Variants in NRL observed in about 807,000 individuals in gnomAD.
The protein encoded by NRL is neural retina leucine zipper.
In NRL, 16 loss-of-function variants were observed where a neutral mutation model predicts 12.5. The ratio of observed to expected loss-of-function variants is 1.28; its 90% CI spans 0.87 to 1.95. The LOEUF (loss-of-function observed/expected upper bound fraction) is 1.95, where lower values mean the gene tolerates loss of function less well. Ranked by LOEUF, NRL falls within the 30% of genes most tolerant of loss-of-function variation. The pLI, the probability that NRL is intolerant of heterozygous loss-of-function variation, is 0.00. For missense variants in NRL, 314 were observed against 325.8 expected (o/e 0.96, Z 0.28); for synonymous variants, 142 against 150.9 (o/e 0.94, Z 0.43).
intron 1 of NRL, among the ~76,000 whole-genome samples, chr14:24,102,292 C>T (rs1297471429): frequency 1.3e-5 from 2 of 152,164 alleles, no homozygotes; most frequent in East Asian, 3.8e-4. Flanking sequence ...CTGTCTTCCC[C>T]GGTTTGCTGA....
At chr14:24,084,187 AG>A (rs2036407733) in intron 1 of NRL, among the ~76,000 whole-genome samples, 1 of 152,176 alleles carries the variant, frequency 6.6e-6, no homozygotes, top group Non-Finnish European at 1.5e-5. Context: ...GTTCCAGGGC[AG>A]GGTTGCTGCC....
In NRL at chr14:24,081,664, C is replaced by T; in HGVS notation, c.382-96G>A. On this transcript the variant is annotated intron_variant, in intron 2 of 2. Coordinates refer to ENST00000561028, the MANE Select transcript of NRL (RefSeq NM_001354768.3). This position sits in a 1 kb window ranked among gnomAD's most constrained non-coding sequence, Gnocchi z 4.4. ...TACCTGGCTCCGCCCCGGGACAGCCCCGCCCCGGCTCCCACCTTCACCGGA... is the reference window on the plus strand; with the variant it reads ...TACCTGGCTCCGCCCCGGGACAGCCTCGCCCCGGCTCCCACCTTCACCGGA... 6.5e-7 allele frequency: 1 copy of T among 1,532,444 alleles called. No homozygotes were observed. Among genetic ancestry groups the T allele is most frequent in the Non-Finnish European group, 8.8e-7 (1 of 1,139,654 alleles). The allele number at this position is 1,532,444 out of a possible 1,614,324, so 94.9% of individuals were successfully genotyped here. A position where few individuals can be genotyped will look rare whatever the true frequency, so the allele number is the denominator to read the frequency against.
chr14:24,084,951 T>C (rs886381576), intron 1 of NRL, among the ~76,000 whole-genome samples: 1 of 152,084 alleles, frequency 6.6e-6, no homozygotes, highest in African/African-American at 2.4e-5. Flanking sequence ...TAGCCTGGGA[T>C]TGGAAAAAGA....
intron 1 of NRL, among the ~76,000 whole-genome samples, chr14:24,083,092 G>C (rs1255143862): frequency 6.6e-6 from 1 of 152,234 alleles, no homozygotes; most frequent in Admixed American, 6.5e-5. Context: ...CTGAATTCCT[G>C]AAGGAGGAAG....
At chr14:24,097,154 A>G (rs1341725924) in intron 1 of NRL, 2 of 1,612,016 alleles carry the variant, frequency 1.2e-6, no homozygotes, top group Non-Finnish European at 1.7e-6. Context: ...CTTGGGCTCC[A>G]CAACCTGCAG....
At chr14:24,097,013 A>G (rs1459172500) in intron 1 of NRL, 3 of 1,613,792 alleles carry the variant, frequency 1.9e-6, no homozygotes, top group Non-Finnish European at 2.5e-6. Flanking sequence ...TGTAGAGCAC[A>G]GTGCCCGCCT....
At chr14:24,103,665 C>T (rs1350431490) in intron 1 of NRL, 2 of 1,614,058 alleles carry the variant, frequency 1.2e-6, no homozygotes, top group African/African-American at 2.7e-5. Flanking sequence ...CGAGGCAGGG[C>T]ACTTCCTGTG....
chr14:24,098,983 CCT>C, intron 1 of NRL: 1 of 1,265,538 alleles, frequency 7.9e-7, no homozygotes, highest in Non-Finnish European at 1.1e-6. Flanking sequence ...ATCCCTGATC[CCT>C]CTGGCCCCGA....
At position 24,081,671 on chromosome 14, in the gene NRL, G is replaced by A. The variant is rs896940072; in HGVS notation, c.382-103C>T. ...CTCCGCCCCGGGACAGCCCCGCCCCGGCTCCCACCTTCACCGGAAGGCTCG... is the reference window on the plus strand; with the variant it reads ...CTCCGCCCCGGGACAGCCCCGCCCCAGCTCCCACCTTCACCGGAAGGCTCG... On this transcript the variant is annotated intron_variant, in intron 2 of 2. Transcript: ENST00000561028. This position sits in a 1 kb window ranked among gnomAD's most constrained non-coding sequence, Gnocchi z 4.4. 274 of 1,529,418 alleles carry A rather than the reference G, an allele frequency of 1.8e-4. No homozygotes were observed. The highest frequency in any genetic ancestry group is 8.5e-4 in the Admixed American group (43 of 50,750). 94.7% of individuals were successfully genotyped at this position (1,529,418 alleles called of 1,614,324 possible).
intron 1 of NRL, among the ~76,000 whole-genome samples, chr14:24,091,237 G>A (rs1594268042): frequency 6.6e-6 from 1 of 151,442 alleles, no homozygotes; most frequent in Non-Finnish European, 1.5e-5. Context: ...TGCAACCTCC[G>A]CCTCCCGGGT....
At position 24,081,183 on chromosome 14, in the gene NRL, G is replaced by T. The variant is rs961614639; in HGVS notation, c.*53C>A. On this transcript the variant is annotated 3_prime_UTR_variant, in exon 3 of 3. Coordinates refer to ENST00000561028, the MANE Select transcript of NRL (RefSeq NM_001354768.3). The surrounding 1 kb of genome is among the most constrained non-coding windows in gnomAD (Gnocchi z 4.4). Reference sequence around the variant, plus strand: ...GCAGAGAACCGTGCAGCCGCCTCCTGGGCGGAGCCACCCCACCCAGCCCCC... The same window carrying T: ...GCAGAGAACCGTGCAGCCGCCTCCTTGGCGGAGCCACCCCACCCAGCCCCC... The T allele has an allele frequency of 7.8e-6, 10 of 1,280,556 alleles. No individual in the cohort carries two copies. The highest frequency in any genetic ancestry group is 1.0e-5 in the Non-Finnish European group (10 of 980,644). The allele number at this position is 1,280,556 out of a possible 1,614,324, so 79.3% of individuals were successfully genotyped here.
rs373177664 is a variant in NRL, at chr14:24,098,608, G to T, written c.-27-15733C>A. On this transcript the variant is annotated intron_variant, in intron 1 of 2. Transcript: ENST00000561028. ...TTATGACCCGACTGGGGACACCTGT[G>T]CTTCAGGCCCTGGGAGATGGTGACT... is the stretch of plus-strand genomic sequence containing the variant. 44 of 1,614,050 alleles carry T rather than the reference G, an allele frequency of 2.7e-5. 1 individual carries two copies. The African/African-American group carries it at 3.2e-4, about 12-fold the overall frequency.
At chr14:24,104,459 C>T (rs1324554124) in intron 1 of NRL, among the ~76,000 whole-genome samples, 6 of 148,348 alleles carry the variant, frequency 4.0e-5, no homozygotes, top group African/African-American at 1.3e-4. Context: ...GAAACCCTAT[C>T]GCTACTAAAA....
intron 1 of NRL, among the ~76,000 whole-genome samples, chr14:24,109,835 C>G (rs1159342786): frequency 6.6e-6 from 1 of 151,976 alleles, no homozygotes; most frequent in Non-Finnish European, 1.5e-5. Context: ...TTTACCATGA[C>G]TTTTAAATGT....
intron 1 of NRL, chr14:24,100,374 TC>T: frequency 7.0e-7 from 1 of 1,419,118 alleles, no homozygotes; most frequent in Non-Finnish European, 9.3e-7. Context: ...TCAGTTCATG[TC>T]CCAACTCCAC....
At chr14:24,109,832 T>C (rs2037392507) in intron 1 of NRL, among the ~76,000 whole-genome samples, 1 of 152,204 alleles carries the variant, frequency 6.6e-6, no homozygotes, top group Non-Finnish European at 1.5e-5. Context: ...ACATTTACCA[T>C]GACTTTTAAA....
intron 1 of NRL, chr14:24,102,870 T>A: frequency 6.2e-7 from 1 of 1,613,926 alleles, no homozygotes; most frequent in Non-Finnish European, 8.5e-7. Flanking sequence ...GCCATCATCT[T>A]TGGTGGCCGC....
Position 24,081,591 on chromosome 14 carries a change from C to T in NRL, c.382-23G>A, listed in dbSNP as rs761932340. On this transcript the variant is annotated intron_variant, in intron 2 of 2. Coordinates refer to ENST00000561028, the MANE Select transcript of NRL (RefSeq NM_001354768.3). This position sits in a 1 kb window ranked among gnomAD's most constrained non-coding sequence, Gnocchi z 4.4. ...CAGCTGCGGAGGGAGAATGCAGAAACCGGGTCAGCGCCAGGTCGCACCCGG... is the reference window on the plus strand; with the variant it reads ...CAGCTGCGGAGGGAGAATGCAGAAATCGGGTCAGCGCCAGGTCGCACCCGG... 34 of 1,572,912 alleles carry T rather than the reference C, an allele frequency of 2.2e-5. No homozygotes were observed. The highest frequency in any genetic ancestry group is 2.6e-5 in the Non-Finnish European group (30 of 1,160,740).
intron 1 of NRL, chr14:24,084,471 G>A: frequency 1.2e-6 from 1 of 854,390 alleles, no homozygotes; most frequent in Non-Finnish European, 1.4e-6. Context: ...TTAAAGAGGG[G>A]GTTCTAGGTG....
Sources: allele counts gnomAD v4.1 joint callset (sites outside exome capture counted in the v4.1 genomes callset), GRCh38; gene constraint gnomAD v4.1.1; non-coding constraint Gnocchi (gnomAD v3.1); transcripts MANE v1.5; gene names NCBI Gene and HGNC (gene_info 2026-07-23, HGNC 2026-07-21).